TRPM3: variants seen among roughly 807,000 people sequenced by gnomAD.
TRPM3 encodes the protein long transient receptor potential channel 3.
Under a neutral mutation model 181.2 loss-of-function variants are expected in TRPM3, and 77 were observed. The observed-to-expected ratio is 0.42, with a 90% CI of 0.35 to 0.51. The LOEUF is 0.51. TRPM3 is among the 20% of genes least tolerant of loss of function. TRPM3 has a pLI of 0.01. For synonymous variants in TRPM3, 745 were observed against 796.4 expected (o/e 0.94, Z 1.09); for missense variants, 1,759 against 2,196.7 (o/e 0.80, Z 3.98).
rs1384924056 is a variant in TRPM3 at position 71,319,477 on chromosome 9, C to A, written c.183+127176G>T. ...ACGTTCCAGCTTGAGAATGAATCTG[C>A]CCTTCCTCTACCGTTCTGTTTTATT... On this transcript the variant is annotated intron_variant, in intron 1 of 24. Coordinates refer to the TRPM3 transcript ENST00000357533. 5.9e-5 allele frequency among the ~76,000 whole-genome samples: 9 copies of A among 152,092 alleles called. No individual in the cohort carries two copies. The East Asian group carries it at 1.7e-3, about 29-fold the overall frequency.
intron 1 of TRPM3, among the ~76,000 whole-genome samples, chr9:71,159,768 A>G (rs537891990): frequency 2.0e-5 from 3 of 152,134 alleles, no homozygotes; most frequent in Non-Finnish European, 2.9e-5. Flanking sequence ...GATCATCTAT[A>G]TTTCAGAGAT....
At chr9:71,200,549 G>T (rs1166777166) in intron 1 of TRPM3, among the ~76,000 whole-genome samples, 1 of 152,078 alleles carries the variant, frequency 6.6e-6, no homozygotes, top group Non-Finnish European at 1.5e-5. Context: ...TTATGAATCT[G>T]GGTGCTCCTG....
At chr9:71,330,122 A>T (rs1379108969) in intron 1 of TRPM3, among the ~76,000 whole-genome samples, 1 of 151,902 alleles carries the variant, frequency 6.6e-6, no homozygotes, top group Non-Finnish European at 1.5e-5. Flanking sequence ...CCTTAGGCAC[A>T]GTCCTGCTGT....
chr9:70,607,114 C>T (rs2061296942), intron 19 of TRPM3, among the ~76,000 whole-genome samples: 1 of 152,174 alleles, frequency 6.6e-6, no homozygotes, highest in African/African-American at 2.4e-5. Context: ...AGTTGGACCC[C>T]TGCCTCCTTT....
In TRPM3 at chr9:71,351,870, G is replaced by GTTTTTTTT. The variant is rs1398031517; in HGVS notation, c.183+94782_183+94783insAAAAAAAA. 1.8e-3 allele frequency among the ~76,000 whole-genome samples: 173 copies of GTTTTTTTT among 95,634 alleles called. 13 individuals carry two copies. The highest frequency in any genetic ancestry group is 2.0e-3 in the Non-Finnish European group (93 of 46,742). The allele number at this position is 95,634 out of a possible 152,430, so 62.7% of individuals were successfully genotyped here. ...ATGGGAAGTTTTTGTTTGTTTGTTTGTTTTTGTTTTTTTTTTTTTTTTTGA... is the reference window on the plus strand; with the variant it reads ...ATGGGAAGTTTTTGTTTGTTTGTTTGTTTTTTTTTTTTTGTTTTTTTTTTTTTTTTTGA... On this transcript the variant is annotated intron_variant, in intron 1 of 24. Transcript: ENST00000357533.
intron 5 of TRPM3, among the ~76,000 whole-genome samples, chr9:70,840,951 G>A (rs978497622): frequency 3.9e-5 from 6 of 152,096 alleles, no homozygotes; most frequent in Non-Finnish European, 7.4e-5. Context: ...AAAAATAATA[G>A]TTTGAGTTTA....
chr9:71,204,885 T>A (rs1208672607), intron 1 of TRPM3, among the ~76,000 whole-genome samples: 1 of 152,048 alleles, frequency 6.6e-6, no homozygotes, highest in East Asian at 1.9e-4. Flanking sequence ...ATGCAGCCAT[T>A]TAAAAGGATG....
chr9:71,107,911 G>A (rs1389936892), intron 1 of TRPM3, among the ~76,000 whole-genome samples: 4 of 151,926 alleles, frequency 2.6e-5, no homozygotes, highest in African/African-American at 9.7e-5. Context: ...TTTTTTCAAG[G>A]ACATAAATTT....
chr9:70,993,819 A>C (rs1267745505), intron 1 of TRPM3, among the ~76,000 whole-genome samples: 3 of 150,906 alleles, frequency 2.0e-5, no homozygotes, highest in African/African-American at 4.9e-5. Context: ...AGAAAGAAAG[A>C]AAGAAAGCAC....
At chr9:71,359,185 T>TTGAATG (rs372468003) in intron 1 of TRPM3, among the ~76,000 whole-genome samples, 35 of 152,174 alleles carry the variant, frequency 2.3e-4, no homozygotes, top group African/African-American at 8.2e-4. Flanking sequence ...GTCTTAGAGC[T>TTGAATG]TGAATGTGAG....
intron 25 of TRPM3, among the ~76,000 whole-genome samples, chr9:70,541,075 G>T (rs531051956): frequency 1.3e-5 from 2 of 152,240 alleles, no homozygotes; most frequent in Non-Finnish European, 2.9e-5. Flanking sequence ...CAGTAAACTG[G>T]ACACATAAAG....
At chr9:70,802,371 G>T (rs1455209110) in intron 6 of TRPM3, among the ~76,000 whole-genome samples, 2 of 152,260 alleles carry the variant, frequency 1.3e-5, no homozygotes, top group Admixed American at 1.3e-4. Context: ...TCAACTCTGT[G>T]GTTACAGTGT....
At chr9:70,665,209 T>C (rs199568424) in intron 9 of TRPM3, among the ~76,000 whole-genome samples, 1 of 150,166 alleles carries the variant, frequency 6.7e-6, no homozygotes, top group Non-Finnish European at 1.5e-5. Context: ...TTTGTTTTTT[T>C]CCTCTTACCT....
intron 1 of TRPM3, among the ~76,000 whole-genome samples, chr9:71,257,854 G>A (rs11142758): frequency 0.053 from 8,040 of 152,198 alleles, 238 homozygotes; most frequent in East Asian, 0.11. Flanking sequence ...CTGTTTTGAT[G>A]TTCATCTAGA....
intron 1 of TRPM3, among the ~76,000 whole-genome samples, chr9:71,291,194 T>C (rs2085779349): frequency 6.6e-6 from 1 of 152,018 alleles, no homozygotes; most frequent in African/African-American, 2.4e-5. Flanking sequence ...TAAACTGAAA[T>C]CTTAAAATAC....
chr9:70,563,195 G>A (rs897821539), intron 22 of TRPM3, among the ~76,000 whole-genome samples: 6 of 152,214 alleles, frequency 3.9e-5, no homozygotes, highest in African/African-American at 1.4e-4. Flanking sequence ...GCTTCTAGGT[G>A]CTTGTTTTCT....
intron 3 of TRPM3, among the ~76,000 whole-genome samples, chr9:70,853,575 G>A (rs2095303393): frequency 1.3e-5 from 2 of 152,174 alleles, no homozygotes; most frequent in South Asian, 4.1e-4. Flanking sequence ...AATTAGTAAG[G>A]CCACAATAAA....
At chr9:70,951,282 C>T (rs2096995836) in intron 1 of TRPM3, among the ~76,000 whole-genome samples, 1 of 152,128 alleles carries the variant, frequency 6.6e-6, no homozygotes, top group Admixed American at 6.5e-5. Context: ...TATTCTAGTA[C>T]ATTGCTAGCT....
In TRPM3 at chr9:70,618,138, A is replaced by G. The variant is rs369876214; in HGVS notation, c.2358+729T>C. ...TTCACATTTTCCTTGAAAAACACTG[A>G]AAAGAACATAAAAAAAGCAAACGCT... On this transcript the variant is annotated intron_variant, in intron 17 of 25. Coordinates refer to ENST00000677713, the MANE Select transcript of TRPM3 (RefSeq NM_001366145.2). 4.6e-5 allele frequency among the ~76,000 whole-genome samples: 7 copies of G among 152,296 alleles called. No individual in the cohort carries two copies. In the South Asian group the frequency reaches 1.5e-3, roughly 32 times the overall value.
Sources: gnomAD v4.1 joint callset for allele counts (sites outside exome capture counted in the v4.1 genomes callset) on GRCh38, gnomAD v4.1.1 for gene constraint, MANE v1.5 for transcripts, NCBI Gene and HGNC (gene_info 2026-07-23, HGNC 2026-07-21) for gene names.